Variants in COG7 observed in about 807,000 individuals in gnomAD.
COG7 encodes component of oligomeric golgi complex 7.
In COG7, 49 loss-of-function variants were observed where a neutral mutation model predicts 91.5. That is an observed-to-expected ratio of 0.54 (90% CI 0.43 to 0.68). COG7 has a LOEUF of 0.68. Among genes scored for constraint, COG7 ranks in the 30% least tolerant of loss-of-function variants. The pLI, the probability that COG7 is intolerant of heterozygous loss-of-function variation, is 0.00. For missense variants in COG7, 895 were observed against 961.3 expected, an observed-to-expected ratio of 0.93 and a Z score of 0.91; for synonymous variants, 365 against 388.7, an observed-to-expected ratio of 0.94 and a Z score of 0.72.
intron 14 of COG7, among the ~76,000 whole-genome samples, chr16:23,396,862 C>T (rs1229142978): frequency 6.6e-6 from 1 of 152,140 alleles, no homozygotes; most frequent in East Asian, 1.9e-4. Flanking sequence ...ACCTCACTGC[C>T]TGCCAGAGGG....
rs553433021 is a variant in COG7, at chr16:23,424,013, C to G, written c.1009+736G>C. ...CTTGCTGTTGCTCCTTCAAAAAGCC[C>G]CTGTAGGCTGGGCACAGTGGCTCAT... is the stretch of plus-strand genomic sequence containing the variant. On this transcript the variant is annotated intron_variant, in intron 7 of 16. Transcript: ENST00000307149. 2.6e-3 allele frequency among the ~76,000 whole-genome samples: 398 copies of G among 152,244 alleles called. 2 individuals carry two copies. Among genetic ancestry groups the G allele is most frequent in the Non-Finnish European group, 4.9e-3 (331 of 68,020 alleles).
intron 10 of COG7, among the ~76,000 whole-genome samples, chr16:23,411,321 C>A (rs1963557595): frequency 6.6e-6 from 1 of 152,198 alleles, no homozygotes. Flanking sequence ...TAACTTTTAA[C>A]CTTCTCTAAA....
intron 4 of COG7, 144 bp downstream of exon 4, chr16:23,442,333 C>CAAAAA: frequency 9.1e-6 from 5 of 547,780 alleles, no homozygotes; most frequent in African/African-American, 2.5e-5. Flanking sequence ...GACTCCGTCT[C>CAAAAA]AAAAAAAAAA....
At chr16:23,402,400 T>C in intron 13 of COG7, among the ~76,000 whole-genome samples, 1 of 152,164 alleles carries the variant, frequency 6.6e-6, no homozygotes, top group East Asian at 1.9e-4. Flanking sequence ...TAAATACCTA[T>C]ACAATTTTTA....
intron 6 of COG7, among the ~76,000 whole-genome samples, chr16:23,430,595 G>T (rs1234873590): frequency 6.6e-6 from 1 of 151,410 alleles, no homozygotes; most frequent in East Asian, 2.0e-4. Context: ...AGGTTGGAGT[G>T]CAGTGGCACA....
intron 4 of COG7, among the ~76,000 whole-genome samples, chr16:23,440,203 A>G (rs1248059909): frequency 2.6e-5 from 4 of 152,168 alleles, no homozygotes; most frequent in Non-Finnish European, 5.9e-5. Flanking sequence ...AGCCTGGCCA[A>G]CATGGCAAAA....
At chr16:23,395,788 G>A (rs929337469) in intron 14 of COG7, among the ~76,000 whole-genome samples, 2 of 152,180 alleles carry the variant, frequency 1.3e-5, no homozygotes, top group Admixed American at 1.3e-4. Context: ...AATATTTCTT[G>A]ATATCCTGGT....
chr16:23,413,722 A>G (rs928884764), intron 9 of COG7, 158 bp from the exon 10 acceptor site: 8 of 628,098 alleles, frequency 1.3e-5, no homozygotes, highest in Middle Eastern at 4.5e-4. Flanking sequence ...ACCTCTGAAC[A>G]CAAAAAGTTC....
At chr16:23,399,266 C>T (rs374616674) in intron 13 of COG7, among the ~76,000 whole-genome samples, 1 of 152,132 alleles carries the variant, frequency 6.6e-6, no homozygotes, top group African/African-American at 2.4e-5. Context: ...TTCTTCCCCA[C>T]CCCAGGTGCC....
At chr16:23,439,567 T>C (rs1964068410) in intron 4 of COG7, among the ~76,000 whole-genome samples, 1 of 152,214 alleles carries the variant, frequency 6.6e-6, no homozygotes, top group Non-Finnish European at 1.5e-5. Context: ...ACACCATGGA[T>C]GAGCTTTGAA....
In COG7 at chr16:23,452,919, T is replaced by C. The variant is rs1964289946; in HGVS notation, c.76A>G (p.Lys26Glu). ...TCCGCCTTCCCGGACGCCGCCTCCT[T>C]GGAGCCGGCCCTGAAGGCCGCATTG... ...WINAAFRAGSKEAASGKADGH... is the reference protein window; with the variant it reads ...WINAAFRAGSEEAASGKADGH... Residue 26 changes from lysine (K) to glutamate (E), a missense_variant, in exon 1 of 17, where the codon AAG becomes GAG. Lys to Glu is a moderately conservative substitution (Grantham distance 56, BLOSUM62 1). Coordinates refer to ENST00000307149, the MANE Select transcript of COG7 (RefSeq NM_153603.4). 6.2e-7 allele frequency: 1 copy of C among 1,614,090 alleles called. No individual in the cohort carries two copies. The highest frequency in any genetic ancestry group is 8.5e-7 in the Non-Finnish European group (1 of 1,180,004).
At chr16:23,422,934 A>G (rs750262472) in intron 7 of COG7, among the ~76,000 whole-genome samples, 3 of 151,282 alleles carry the variant, frequency 2.0e-5, no homozygotes, top group Non-Finnish European at 2.9e-5. Context: ...AATCCCAACT[A>G]CTCAGAAGGC....
At chr16:23,393,436 G>C in intron 14 of COG7, 89 bp from the exon 15 acceptor site, 5 of 993,534 alleles carry the variant, frequency 5.0e-6, no homozygotes, top group Non-Finnish European at 8.0e-6. Context: ...AAACGGCAGA[G>C]AGACAAAATT....
At chr16:23,434,175 T>C (rs1001181427) in intron 5 of COG7, among the ~76,000 whole-genome samples, 9 of 152,158 alleles carry the variant, frequency 5.9e-5, no homozygotes, top group African/African-American at 1.2e-4. Flanking sequence ...CTCACAAGGC[T>C]GAGACGGGAG....
At chr16:23,445,747 G>A (rs567320327) in intron 2 of COG7, 66 bp downstream of exon 2, 17 of 1,536,014 alleles carry the variant, frequency 1.1e-5, no homozygotes, top group Non-Finnish European at 1.3e-5. Flanking sequence ...AAGCCCTTAC[G>A]AGAGTGACCA....
At chr16:23,432,996 G>C (rs1963957041) in intron 6 of COG7, among the ~76,000 whole-genome samples, 1 of 152,196 alleles carries the variant, frequency 6.6e-6, no homozygotes, top group Non-Finnish European at 1.5e-5. Context: ...TTAAGTTATA[G>C]ATAAGAGTGG....
chr16:23,388,966 C>G lies in COG7; in HGVS notation c.2267G>C (p.Arg756Pro). Residue 756 changes from arginine (R) to proline (P), a missense_variant, in exon 17 of 17, where the codon CGT (arginine) becomes CCT (proline). Transcript: ENST00000307149. ...GGTGGCCACGGTGGTGGCCAGGCGA[C>G]GGGGCAGGCCTTTGCTGACCTGTCT... Reference protein sequence around the residue: ...DYRQVSKGLPRRLATTVATMR... With the variant: ...DYRQVSKGLPPRLATTVATMR... 6.2e-7 allele frequency: 1 copy of G among 1,613,986 alleles called. No homozygotes were observed.
At chr16:23,402,630 T>C (rs1426939685) in intron 13 of COG7, among the ~76,000 whole-genome samples, 2 of 152,172 alleles carry the variant, frequency 1.3e-5, no homozygotes, top group African/African-American at 4.8e-5. Flanking sequence ...AACTCAGCCA[T>C]GTGATGGCAC....
At chr16:23,426,818 C>CAAAAAAAAAAAAA in intron 6 of COG7, among the ~76,000 whole-genome samples, 1 of 60,208 alleles carries the variant, frequency 1.7e-5, no homozygotes, top group South Asian at 6.2e-4. Context: ...AGCAATTGGA[C>CAAAAAAAAAAAAA]AAAAAAAAAA....
Sources: gnomAD v4.1 joint callset for allele counts (sites outside exome capture counted in the v4.1 genomes callset) on GRCh38, gnomAD v4.1.1 for gene constraint, MANE v1.5 for transcripts, NCBI Gene and HGNC (gene_info 2026-07-23, HGNC 2026-07-21) for gene names.